The following REST variants were observed in gnomAD, a reference collection of about 807,000 sequenced individuals.
The protein encoded by REST is RE1-silencing transcription factor.
REST carries 1 observed loss-of-function variant against 30.4 expected under a neutral mutation model. The ratio of observed to expected loss-of-function variants is 0.03; its 90% confidence interval spans 0.01 to 0.16. REST has a LOEUF of 0.16. REST is among the 10% of genes least tolerant of loss of function. The pLI, the probability that REST is intolerant of heterozygous loss-of-function variation, is 1.00. For synonymous variants in REST, 504 were observed against 451.1 expected (o/e 1.12, Z -1.49); for missense variants, 1,259 against 1,329.5 (o/e 0.95, Z 0.82).
In REST at chr4:56,929,821, T is replaced by C; in HGVS notation, c.983-20T>C. ...TTGTCTTAATCTATGTCTTCTCTCA[T>C]ACTTTTGATTTGCCTTCAGGTGAGA... On this transcript the variant is annotated intron_variant, in intron 3 of 3. Coordinates refer to ENST00000309042, the MANE Select transcript of REST (RefSeq NM_005612.5). The C allele has an allele frequency of 1.9e-6, 3 of 1,574,622 alleles. No homozygotes were observed. Among genetic ancestry groups the C allele is most frequent in the Non-Finnish European group, 2.6e-6 (3 of 1,162,918 alleles).
At chr4:56,925,408 C>T (rs780136958) in intron 3 of REST, among the ~76,000 whole-genome samples, 5 of 152,074 alleles carry the variant, frequency 3.3e-5, no homozygotes, top group Non-Finnish European at 7.3e-5. Flanking sequence ...CACAGGGTCT[C>T]ACTAGGTTGC....
At chr4:56,908,764 C>T (rs1719743709) in intron 1 of REST, 1 of 151,928 alleles carries the variant, frequency 6.6e-6, no homozygotes, top group Non-Finnish European at 1.5e-5. Context: ...GCGCTTCAGC[C>T]GTCCGGCGCC....
In REST at chr4:56,935,452, T is replaced by G. The variant is rs570414848; in HGVS notation, c.*3300T>G. On this transcript the variant is annotated 3_prime_UTR_variant, in exon 4 of 4. Transcript: ENST00000309042. ...AACTAAATCAGATAGCTTTTACAGT[T>G]TCACATGTGTACATAGGTTCCCTCC... 3 of 152,234 alleles carry G rather than the reference T, an allele frequency of 2.0e-5. No homozygotes were observed. Among genetic ancestry groups the G allele is most frequent in the Admixed American group, 1.3e-4 (2 of 15,280 alleles). The allele number at this position is 152,234 out of a possible 1,614,324, so 9.4% of individuals were successfully genotyped here. A position where few individuals can be genotyped will look rare whatever the true frequency, so the allele number is the denominator to read the frequency against.
At position 56,932,121 on chromosome 4, in the gene REST, A is replaced by G. The variant is rs1385129832; in HGVS notation, c.3263A>G (p.Tyr1088Cys). Residue 1088 changes from tyrosine (Y) to cysteine (C), a missense_variant, in exon 4 of 4, where the codon TAT (tyrosine) becomes TGT (cysteine). Transcript: ENST00000309042. Reference protein sequence around the residue: ...HLNRHLVNVYYLEEAAQGQE With the variant: ...HLNRHLVNVYCLEEAAQGQE The stretch of plus-strand genomic sequence containing the variant: ...AATCGCCATTTGGTTAATGTGTACT[A>G]TCTTGAAGAAGCAGCTCAAGGGCAG... 8.7e-6 allele frequency: 14 copies of G among 1,611,094 alleles called. No homozygotes were observed. Among genetic ancestry groups the G allele is most frequent in the Admixed American group, 1.7e-5 (1 of 59,842 alleles).
rs1290199315 is a variant in REST, at chr4:56,928,050, T to C, written c.983-1791T>C. On this transcript the variant is annotated intron_variant, in intron 3 of 3. Coordinates refer to ENST00000309042, the MANE Select transcript of REST (RefSeq NM_005612.5). ...GGAGTATCGCCCAGAGTGAAAGATA[T>C]TTTTCTCAAGATTTACCATAAGAAA... is the stretch of plus-strand genomic sequence containing the variant. 2.6e-5 allele frequency among the ~76,000 whole-genome samples: 4 copies of C among 152,306 alleles called. No homozygotes were observed. In the East Asian group the frequency reaches 5.8e-4, roughly 22 times the overall value.
At position 56,932,171 on chromosome 4, in the gene REST, T is replaced by G. The variant is rs1336763256; in HGVS notation, c.*19T>G. On this transcript the variant is annotated 3_prime_UTR_variant, in exon 4 of 4. Coordinates refer to ENST00000309042, the MANE Select transcript of REST (RefSeq NM_005612.5). ...GGAGTAATGAAACTTTGAACAAGGT[T>G]TCAGTTCTTAGTTTGTAAGGTATAT... The G allele has an allele frequency of 1.9e-6, 3 of 1,580,600 alleles. No homozygotes were observed. Among genetic ancestry groups the G allele is most frequent in the African/African-American group, 2.7e-5 (2 of 73,304 alleles).
rs1031773791 is a variant in REST at position 56,933,491 on chromosome 4, A to T, written c.*1339A>T. On this transcript the variant is annotated 3_prime_UTR_variant, in exon 4 of 4. Transcript: ENST00000309042. ...TAGACCAGCTGCAACTTTCCTATAC[A>T]GTGAAAAAGGCTGGTGAAACAAGTA... 1.3e-5 allele frequency: 2 copies of T among 152,256 alleles called. No homozygotes were observed. The highest frequency in any genetic ancestry group is 2.9e-5 in the Non-Finnish European group (2 of 68,048). The allele number at this position is 152,256 out of a possible 1,614,324, so 9.4% of individuals were successfully genotyped here. A position where few individuals can be genotyped will look rare whatever the true frequency, so the allele number is the denominator to read the frequency against.
rs890263026 is a variant in REST at position 56,933,170 on chromosome 4, C to T, written c.*1018C>T. Reference sequence around the variant, plus strand: ...ATAAATAAACCACTAGGTTGCATGTCGAACAAATTTTTATCTCAAATACCA... The same window carrying T: ...ATAAATAAACCACTAGGTTGCATGTTGAACAAATTTTTATCTCAAATACCA... On this transcript the variant is annotated 3_prime_UTR_variant, in exon 4 of 4. Coordinates refer to ENST00000309042, the MANE Select transcript of REST (RefSeq NM_005612.5). The T allele has an allele frequency of 1.3e-5, 2 of 151,888 alleles. No homozygotes were observed. The highest frequency in any genetic ancestry group is 2.9e-5 in the Non-Finnish European group (2 of 68,002). 9.4% of individuals were successfully genotyped at this position (151,888 alleles called of 1,614,324 possible).
chr4:56,912,479 G>A (rs781656), intron 2 of REST, among the ~76,000 whole-genome samples: 28,550 of 150,398 alleles, frequency 0.19, 2,872 homozygotes, highest in East Asian at 0.4. Context: ...TCAGCCTCCC[G>A]AGTAGCTGGG....
chr4:56,910,941 T>C lies in REST; in HGVS notation c.303T>C (p.Gly101=), dbSNP rs764481414. Reference sequence around the variant, plus strand: ...TTGAAGAGTCTGCTGATATAAAAGGTGAACCTCATGGACTGGAAAACATGG... The same window carrying C: ...TTGAAGAGTCTGCTGATATAAAAGGCGAACCTCATGGACTGGAAAACATGG... ...EGLEESADIK[G]EPHGLENMEL... is the part of the protein sequence containing the mutation. Residue 101 remains glycine, a synonymous_variant, in exon 2 of 4, where the codon GGT becomes GGC. Coordinates refer to ENST00000309042, the MANE Select transcript of REST (RefSeq NM_005612.5). The C allele has an allele frequency of 6.2e-7, 1 of 1,614,052 alleles. No homozygotes were observed. The highest frequency in any genetic ancestry group is 1.1e-5 in the South Asian group (1 of 91,074).
In REST at chr4:56,932,444, T is replaced by A. The variant is rs4864608; in HGVS notation, c.*292T>A. On this transcript the variant is annotated 3_prime_UTR_variant, in exon 4 of 4. Transcript: ENST00000309042. ...TTTTATTGCTTTGTCCAGCTACAAC[T>A]TGTCATTTTTTTCTCCATGTCTTAT... 84,382 of 234,882 alleles carry A rather than the reference T, an allele frequency of 0.36. 15,751 individuals are homozygous for A. Among genetic ancestry groups the A allele is most frequent in the Middle Eastern group, 0.49 (334 of 686 alleles). 14.5% of individuals were successfully genotyped at this position (234,882 alleles called of 1,614,324 possible).
chr4:56,929,314 G>A (rs1349155295), intron 3 of REST, among the ~76,000 whole-genome samples: 1 of 151,802 alleles, frequency 6.6e-6, no homozygotes, highest in Non-Finnish European at 1.5e-5. Context: ...CAAGGTATCC[G>A]CCCACCTTGG....
intron 3 of REST, among the ~76,000 whole-genome samples, chr4:56,925,546 T>G (rs982606685): frequency 1.3e-5 from 2 of 152,148 alleles, no homozygotes; most frequent in Admixed American, 6.6e-5. Context: ...TACGTATGTG[T>G]AAAGCTTGCA....
chr4:56,929,548 T>C (rs996324323), intron 3 of REST, among the ~76,000 whole-genome samples: 4 of 152,226 alleles, frequency 2.6e-5, no homozygotes, highest in Non-Finnish European at 5.9e-5. Flanking sequence ...CAGAGCCCAA[T>C]TGAACTTTGC....
intron 3 of REST, among the ~76,000 whole-genome samples, chr4:56,928,527 C>T (rs1056494135): frequency 1.3e-4 from 19 of 151,878 alleles, no homozygotes; most frequent in Non-Finnish European, 7.4e-5. Flanking sequence ...GTGGTCCTCC[C>T]GCCTTTGCCT....
chr4:56,911,463 A>G lies in REST; in HGVS notation c.825A>G (p.Val275=), dbSNP rs762548071. ...KHLRNHFPRK[V]YTCGKCNYFS... is the part of the protein sequence containing the mutation. Reference sequence around the variant, plus strand: ...TAAGAAACCATTTTCCAAGGAAAGTATACACATGTGGAAAATGCAACTATT... The same window carrying G: ...TAAGAAACCATTTTCCAAGGAAAGTGTACACATGTGGAAAATGCAACTATT... Residue 275 remains valine (V), a synonymous_variant, in exon 2 of 4, where the codon GTA becomes GTG. Transcript: ENST00000309042. 1.9e-6 allele frequency: 3 copies of G among 1,614,188 alleles called. No homozygotes were observed. Among genetic ancestry groups the G allele is most frequent in the South Asian group, 1.1e-5 (1 of 91,084 alleles).
chr4:56,929,801 T>A (rs1391002479), intron 3 of REST, 40 bp from the exon 4 acceptor site: 1 of 1,544,166 alleles, frequency 6.5e-7, no homozygotes, highest in East Asian at 2.3e-5. Context: ...TGAATTTGTC[T>A]TAATCTATGT....
intron 2 of REST, among the ~76,000 whole-genome samples, chr4:56,914,919 T>C (rs201522836): frequency 1.1e-5 from 1 of 93,388 alleles, no homozygotes; most frequent in Non-Finnish European, 2.2e-5. Flanking sequence ...TTTTTTTTTT[T>C]AACTTTTTTT....
intron 3 of REST, among the ~76,000 whole-genome samples, chr4:56,926,044 C>T (rs1206417811): frequency 3.3e-5 from 5 of 152,090 alleles, no homozygotes; most frequent in African/African-American, 7.2e-5. Flanking sequence ...AGACAGGATA[C>T]GTAAGAGTCT....
Sources: allele counts gnomAD v4.1 joint callset (sites outside exome capture counted in the v4.1 genomes callset), GRCh38; gene constraint gnomAD v4.1.1; transcripts MANE v1.5; gene names NCBI Gene and HGNC (gene_info 2026-07-23, HGNC 2026-07-21).